The following SIPA1L1 variants were observed in gnomAD, a reference collection of about 807,000 sequenced individuals.
SIPA1L1 encodes signal-induced proliferation-associated 1-like protein 1.
A neutral mutation model predicts 162.7 loss-of-function variants in SIPA1L1; 26 were observed. The observed-to-expected ratio is 0.16, with a 90% CI of 0.12 to 0.22. The LOEUF is 0.22. Ranked by LOEUF, SIPA1L1 falls within the 10% of genes least tolerant of loss-of-function variation. SIPA1L1 has a pLI of 1.00. For synonymous variants in SIPA1L1, 829 were observed against 837.4 expected (o/e 0.99, Z 0.17); for missense variants, 1,874 against 2,241.0 (o/e 0.84, Z 3.31).
chr14:71,604,700 C>T (rs1356621307), intron 5 of SIPA1L1, among the ~76,000 whole-genome samples: 1 of 151,612 alleles, frequency 6.6e-6, no homozygotes, highest in Non-Finnish European at 1.5e-5. Context: ...TTTTTTTTCC[C>T]CAGCACTTCT....
intron 2 of SIPA1L1, chr14:71,418,097 T>C (rs577119634): frequency 1.3e-5 from 2 of 152,350 alleles, no homozygotes; most frequent in South Asian, 2.1e-4. Flanking sequence ...GAACAACTTA[T>C]TCTCACTCAG....
intron 4 of SIPA1L1, among the ~76,000 whole-genome samples, chr14:71,544,228 TATC>T (rs2054908105): frequency 6.6e-6 from 1 of 150,460 alleles, no homozygotes; most frequent in East Asian, 1.9e-4. Flanking sequence ...TATATACATA[TATC>T]ATGTATGTAT....
At chr14:71,385,908 G>T (rs192124777) in intron 2 of SIPA1L1, among the ~76,000 whole-genome samples, 210 of 152,044 alleles carry the variant, frequency 1.4e-3, no homozygotes, top group Non-Finnish European at 2.5e-3. Context: ...GGATGGTCTC[G>T]ATCTCCTGAC....
At chr14:71,374,898 TCAGTATTTA>T (rs2039238489) in intron 2 of SIPA1L1, among the ~76,000 whole-genome samples, 1 of 152,140 alleles carries the variant, frequency 6.6e-6, no homozygotes, top group Non-Finnish European at 1.5e-5. Context: ...AAGCCATCAT[TCAGTATTTA>T]CAGTATTATC....
chr14:71,373,452 G>A (rs750371834), intron 2 of SIPA1L1, among the ~76,000 whole-genome samples: 2 of 151,648 alleles, frequency 1.3e-5, no homozygotes, highest in Non-Finnish European at 2.9e-5. Context: ...GTGAAATCCC[G>A]CTTCTACTAA....
At chr14:71,449,321 G>C (rs900385267) in intron 2 of SIPA1L1, among the ~76,000 whole-genome samples, 6 of 152,200 alleles carry the variant, frequency 3.9e-5, no homozygotes, top group Non-Finnish European at 7.3e-5. Flanking sequence ...GGCTTGATTA[G>C]CTGGGAGAAT....
At chr14:71,611,505 A>G (rs1039140418) in intron 5 of SIPA1L1, among the ~76,000 whole-genome samples, 1 of 152,046 alleles carries the variant, frequency 6.6e-6, no homozygotes, top group African/African-American at 2.4e-5. Context: ...TCAACCTGTC[A>G]TCTAGGTTTT....
intron 4 of SIPA1L1, among the ~76,000 whole-genome samples, chr14:71,543,738 A>T (rs1253513415): frequency 1.5e-5 from 2 of 136,386 alleles, no homozygotes; most frequent in South Asian, 2.3e-4. Flanking sequence ...GCAAGTCTTG[A>T]CTGTTTTTCT....
chr14:71,347,721 A>G (rs2036308567), intron 2 of SIPA1L1, among the ~76,000 whole-genome samples: 1 of 152,194 alleles, frequency 6.6e-6, no homozygotes, highest in Non-Finnish European at 1.5e-5. Context: ...ATAGGTGTGA[A>G]TGACTTTTAT....
intron 2 of SIPA1L1, among the ~76,000 whole-genome samples, chr14:71,383,762 C>G (rs1015241627): frequency 6.6e-6 from 1 of 152,028 alleles, no homozygotes; most frequent in African/African-American, 2.4e-5. Flanking sequence ...CCAGAACTCA[C>G]TTATCACCAA....
At chr14:71,719,882 G>C (rs139454876) in intron 17 of SIPA1L1, among the ~76,000 whole-genome samples, 206 of 152,272 alleles carry the variant, frequency 1.4e-3, no homozygotes, top group Non-Finnish European at 2.4e-3. Flanking sequence ...CAAGTTTCCC[G>C]TGTTGGCATC....
At chr14:71,372,330 A>T (rs2038966466) in intron 2 of SIPA1L1, among the ~76,000 whole-genome samples, 1 of 152,116 alleles carries the variant, frequency 6.6e-6, no homozygotes, top group African/African-American at 2.4e-5. Flanking sequence ...CAAAATTCTC[A>T]ATTTCTTTTT....
intron 2 of SIPA1L1, among the ~76,000 whole-genome samples, chr14:71,452,385 T>C: frequency 6.6e-6 from 1 of 152,358 alleles, no homozygotes; most frequent in South Asian, 2.1e-4. Flanking sequence ...TTTAGTGTAG[T>C]ATTCTATAAT....
At chr14:71,516,375 TAGC>T (rs2144648136) in intron 3 of SIPA1L1, among the ~76,000 whole-genome samples, 1 of 152,268 alleles carries the variant, frequency 6.6e-6, no homozygotes, top group Admixed American at 6.5e-5. Context: ...AGTAATAAAA[TAGC>T]AGGATTTTTT....
chr14:71,727,977 C>A (rs2084396142), intron 19 of SIPA1L1, among the ~76,000 whole-genome samples: 1 of 152,222 alleles, frequency 6.6e-6, no homozygotes, highest in Non-Finnish European at 1.5e-5. Context: ...CTTAAAGAAG[C>A]TCTTCAAGGT....
chr14:71,584,741 CAT>C (rs1248498720), intron 4 of SIPA1L1, among the ~76,000 whole-genome samples: 1 of 152,184 alleles, frequency 6.6e-6, no homozygotes, highest in Non-Finnish European at 1.5e-5. Context: ...CTGGATCTAC[CAT>C]AGACTTAGAT....
chr14:71,491,330 T>C (rs1315342762), intron 2 of SIPA1L1, among the ~76,000 whole-genome samples: 1 of 152,202 alleles, frequency 6.6e-6, no homozygotes, highest in East Asian at 1.9e-4. Context: ...CATTCATTCC[T>C]CTTTTTCCCC....
intron 2 of SIPA1L1, among the ~76,000 whole-genome samples, chr14:71,507,655 C>G (rs2050785328): frequency 1.3e-5 from 2 of 152,176 alleles, no homozygotes; most frequent in African/African-American, 4.8e-5. Flanking sequence ...CTTACTGTTA[C>G]TTACTTACCT....
Position 71,626,460 on chromosome 14 carries a change from T to A in SIPA1L1, c.1818+2224T>A, listed in dbSNP as rs1333675158. Among the ~76,000 whole-genome samples the A allele has an allele frequency of 3.9e-5, 6 of 152,354 alleles. No homozygotes were observed. In the East Asian group the frequency reaches 9.6e-4, roughly 24 times the overall value. The stretch of plus-strand genomic sequence containing the variant: ...GAGATAAAGCAGACGACATGCATAC[T>A]TAGGCTTTTAGTCTTGGGAGTAATT... On this transcript the variant is annotated intron_variant, in intron 7 of 23. Coordinates refer to ENST00000381232, the MANE Select transcript of SIPA1L1 (RefSeq NM_001386936.1).
Sources: gnomAD v4.1 joint callset for allele counts (sites outside exome capture counted in the v4.1 genomes callset) on GRCh38, gnomAD v4.1.1 for gene constraint, MANE v1.5 for transcripts, NCBI Gene and HGNC (gene_info 2026-07-23, HGNC 2026-07-21) for gene names.